WDR59: variants seen among roughly 807,000 people sequenced by gnomAD.
WDR59 encodes GATOR2 complex protein WDR59.
Under a neutral mutation model 131.2 loss-of-function variants are expected in WDR59, and 100 were observed. The ratio of observed to expected loss-of-function variants is 0.76; its 90% CI spans 0.65 to 0.90. The LOEUF is 0.90. Among genes scored for constraint, WDR59 ranks in the 40% least tolerant of loss-of-function variants. The pLI, the probability that WDR59 is intolerant of heterozygous loss-of-function variation, is 0.00. For synonymous variants in WDR59, 601 were observed against 466.2 expected, an observed-to-expected ratio of 1.29 and a Z score of -3.72; for missense variants, 1,203 against 1,262.2, an observed-to-expected ratio of 0.95 and a Z score of 0.71.
intron 18 of WDR59, among the ~76,000 whole-genome samples, chr16:74,894,635 G>A (rs1321419423): frequency 2.0e-5 from 3 of 152,168 alleles, no homozygotes; most frequent in Non-Finnish European, 4.4e-5. Flanking sequence ...ACTAAGGAAG[G>A]AGTGACATAT....
intron 1 of WDR59, among the ~76,000 whole-genome samples, chr16:74,978,284 T>C (rs1010048798): frequency 7.2e-6 from 1 of 138,220 alleles, no homozygotes; most frequent in African/African-American, 2.7e-5. Context: ...ATCGTGCGAC[T>C]GCACTCCAGC....
At chr16:74,965,695 G>C (rs1428327880) in intron 2 of WDR59, 78 bp downstream of exon 2, 3 of 1,531,214 alleles carry the variant, frequency 2.0e-6, no homozygotes, top group Admixed American at 1.7e-5. Context: ...TATAAGAATA[G>C]CTTCCAAGTT....
At chr16:74,878,190 A>G (rs1471854280) in intron 25 of WDR59, among the ~76,000 whole-genome samples, 1 of 152,200 alleles carries the variant, frequency 6.6e-6, no homozygotes, top group Non-Finnish European at 1.5e-5. Context: ...TAAGAAATCA[A>G]ATAGGGAAGT....
At chr16:74,874,570 T>C (rs760685939) in intron 25 of WDR59, 126 bp from the exon 26 acceptor site, 14 of 733,010 alleles carry the variant, frequency 1.9e-5, no homozygotes, top group Non-Finnish European at 3.1e-5. Flanking sequence ...CTTAGACCAG[T>C]GGTTTTCATT....
rs1288209766 is a variant in WDR59, at chr16:74,880,552, CCA to C, written c.2689+5099_2689+5100del. 5.2e-4 allele frequency among the ~76,000 whole-genome samples: 79 copies of C among 152,226 alleles called. 1 individual carries two copies. The highest frequency in any genetic ancestry group is 1.8e-3 in the African/African-American group (74 of 41,544). On this transcript the variant is annotated intron_variant, in intron 25 of 25. Coordinates refer to ENST00000262144, the MANE Select transcript of WDR59 (RefSeq NM_030581.4). Reference sequence around the variant, plus strand: ...GTGGACATGAAGCCCACAAGTCCTCCCAGGAAACTTCTTTGGCCTAGGGAATC... The same window carrying C: ...GTGGACATGAAGCCCACAAGTCCTCCGGAAACTTCTTTGGCCTAGGGAATC...
At chr16:74,976,243 A>T (rs1046610269) in intron 1 of WDR59, among the ~76,000 whole-genome samples, 29 of 152,124 alleles carry the variant, frequency 1.9e-4, no homozygotes, top group African/African-American at 7.0e-4. Flanking sequence ...AGTTTTTATT[A>T]GAGTAAAACA....
At chr16:74,874,545 A>G in intron 25 of WDR59, 101 bp from the exon 26 acceptor site, 1 of 877,284 alleles carries the variant, frequency 1.1e-6, no homozygotes. Context: ...TCCTCTCAAG[A>G]CTCTAGCAGA....
chr16:74,964,665 A>G (rs1357712697), intron 2 of WDR59, among the ~76,000 whole-genome samples: 1 of 152,166 alleles, frequency 6.6e-6, no homozygotes, highest in East Asian at 1.9e-4. Context: ...ATGGGTTCAT[A>G]AACAACTACA....
chr16:74,954,998 G>A (rs1174583827), intron 3 of WDR59, among the ~76,000 whole-genome samples: 1 of 152,212 alleles, frequency 6.6e-6, no homozygotes. Context: ...ATGAATAAAG[G>A]GTTTTACCCG....
chr16:74,906,789 G>A (rs1243715585), intron 17 of WDR59, among the ~76,000 whole-genome samples: 1 of 152,160 alleles, frequency 6.6e-6, no homozygotes, highest in Non-Finnish European at 1.5e-5. Flanking sequence ...TCAAGAACAG[G>A]CAAAACTACC....
At chr16:74,901,742 C>T (rs1965563886) in intron 18 of WDR59, among the ~76,000 whole-genome samples, 1 of 151,808 alleles carries the variant, frequency 6.6e-6, no homozygotes, top group Non-Finnish European at 1.5e-5. Context: ...ACAAAAGTGA[C>T]ATCATTTGAC....
At chr16:74,977,047 C>A (rs1353603189) in intron 1 of WDR59, among the ~76,000 whole-genome samples, 1 of 151,946 alleles carries the variant, frequency 6.6e-6, no homozygotes, top group East Asian at 1.9e-4. Flanking sequence ...ATAAATTTAA[C>A]TGCATTAAAA....
chr16:74,924,046 T>TA (rs1188706442), intron 8 of WDR59, 43 bp from the exon 9 acceptor site: 1 of 1,581,322 alleles, frequency 6.3e-7, no homozygotes, highest in Non-Finnish European at 8.6e-7. Flanking sequence ...TAAATGCCAT[T>TA]AAAAAATTCT....
At chr16:74,889,604 G>C in intron 21 of WDR59, 99 bp downstream of exon 21, 1 of 858,708 alleles carries the variant, frequency 1.2e-6, no homozygotes, top group East Asian at 2.5e-5. Flanking sequence ...TTCATTCCTC[G>C]GGCCTCTGCA....
At chr16:74,886,730 A>T (rs1417268205) in intron 23 of WDR59, among the ~76,000 whole-genome samples, 1 of 151,824 alleles carries the variant, frequency 6.6e-6, no homozygotes, top group East Asian at 1.9e-4. Flanking sequence ...GACCAGCCTG[A>T]CGAACATAGT....
chr16:74,904,629 A>G (rs1281984975), intron 17 of WDR59, among the ~76,000 whole-genome samples: 2 of 131,532 alleles, frequency 1.5e-5, no homozygotes, highest in East Asian at 4.8e-4. Context: ...CACAATTCCA[A>G]TCAAAATACA....
At chr16:74,924,580 T>A (rs1038529509) in intron 8 of WDR59, among the ~76,000 whole-genome samples, 2 of 152,152 alleles carry the variant, frequency 1.3e-5, no homozygotes, top group Non-Finnish European at 2.9e-5. Flanking sequence ...ACATCTGAGG[T>A]GCAGTTCTTG....
Position 74,924,479 on chromosome 16 carries a change from G to C in WDR59, c.652-476C>G, listed in dbSNP as rs955430106. Among the ~76,000 whole-genome samples, 17 of 152,020 alleles carry C rather than the reference G, an allele frequency of 1.1e-4. No homozygotes were observed. The South Asian group carries it at 1.7e-3, about 15-fold the overall frequency. On this transcript the variant is annotated intron_variant, in intron 8 of 25. Transcript: ENST00000262144. ...AAATGTAGAGGCTATATAAAGAAAC[G>C]ACATAATGTGCAAGGTCACAAAGAA...
intron 3 of WDR59, among the ~76,000 whole-genome samples, chr16:74,953,859 G>C (rs150314486): frequency 6.6e-6 from 1 of 151,898 alleles, no homozygotes; most frequent in South Asian, 2.1e-4. Context: ...AAAATTAGCC[G>C]GGCATGGTGG....
Sources: gnomAD v4.1 joint callset for allele counts (sites outside exome capture counted in the v4.1 genomes callset) on GRCh38, gnomAD v4.1.1 for gene constraint, MANE v1.5 for transcripts, NCBI Gene and HGNC (gene_info 2026-07-23, HGNC 2026-07-21) for gene names.